KHDRBS2: variants seen among roughly 807,000 people sequenced by gnomAD.
KHDRBS2 encodes KH RNA binding domain containing, signal transduction associated 2, also known as KH domain-containing, RNA-binding, signal transduction-associated protein 2.
A neutral mutation model predicts 44.3 loss-of-function variants in KHDRBS2; 26 were observed. The observed-to-expected ratio is 0.59, with a 90% CI of 0.43 to 0.81. The LOEUF (loss-of-function observed/expected upper bound fraction) is 0.81, where lower values mean the gene tolerates loss of function less well. KHDRBS2 is among the 40% of genes least tolerant of loss of function. KHDRBS2 has a pLI of 0.00. For missense variants in KHDRBS2, 476 were observed against 433.1 expected, an observed-to-expected ratio of 1.10 and a Z score of -0.88; for synonymous variants, 194 against 151.1, an observed-to-expected ratio of 1.28 and a Z score of -2.08.
At chr6:62,156,726 C>T (rs1236718572) in intron 2 of KHDRBS2, among the ~76,000 whole-genome samples, 9 of 151,964 alleles carry the variant, frequency 5.9e-5, no homozygotes, top group Non-Finnish European at 1.2e-4. Context: ...GAGTGCAGTG[C>T]AGTGGCGTGA....
At chr6:61,648,739 G>A in the KHDRBS2 span, among the ~76,000 whole-genome samples, 5,068 of 152,176 alleles carry the variant, frequency 0.033, 275 homozygotes, top group African/African-American at 0.12. Context: ...CCAACGTGTG[G>A]CCTGAGTAAA....
chr6:62,199,233 G>C (rs887132004), intron 1 of KHDRBS2, among the ~76,000 whole-genome samples: 18 of 152,060 alleles, frequency 1.2e-4, no homozygotes, highest in African/African-American at 3.6e-4. Flanking sequence ...GGAAGTTCTG[G>C]CCAGGGCAAT....
chr6:61,769,206 C>A (rs1407676557), intron 6 of KHDRBS2, among the ~76,000 whole-genome samples: 1 of 152,080 alleles, frequency 6.6e-6, no homozygotes, highest in East Asian at 1.9e-4. Flanking sequence ...CAAATAGGAA[C>A]AGCTCCGGTC....
intron 2 of KHDRBS2, among the ~76,000 whole-genome samples, chr6:62,104,824 GATA>G (rs1326376430): frequency 2.0e-5 from 3 of 151,872 alleles, no homozygotes; most frequent in South Asian, 2.1e-4. Flanking sequence ...TAAATGAATA[GATA>G]ATAATAGAGT....
chr6:61,582,243 A>G, the KHDRBS2 span, among the ~76,000 whole-genome samples: 1 of 151,836 alleles, frequency 6.6e-6, no homozygotes, highest in Non-Finnish European at 1.5e-5. Flanking sequence ...AATAAGAAGC[A>G]GTAAATAGTT....
the KHDRBS2 span, among the ~76,000 whole-genome samples, chr6:61,671,400 G>A: frequency 2.6e-5 from 4 of 151,636 alleles, no homozygotes; most frequent in Non-Finnish European, 4.4e-5. Flanking sequence ...AGATAAGCCA[G>A]CTGTTGTTAG....
intron 6 of KHDRBS2, among the ~76,000 whole-genome samples, chr6:61,753,299 G>A (rs1778008693): frequency 6.6e-6 from 1 of 152,134 alleles, no homozygotes; most frequent in Non-Finnish European, 1.5e-5. Flanking sequence ...CAACCAATGA[G>A]AGAAGAAAGC....
chr6:61,849,873 C>G lies in KHDRBS2; in HGVS notation c.810+44762G>C, dbSNP rs192495198. ...GCTGTCCTGTGGATGAATCCTATGG[C>G]TTACTGAATAGGATGGAAGTGCTAG... On this transcript the variant is annotated intron_variant, in intron 6 of 8. Coordinates refer to ENST00000281156, the MANE Select transcript of KHDRBS2 (RefSeq NM_152688.4). Among the ~76,000 whole-genome samples, 74 of 152,196 alleles carry G rather than the reference C, an allele frequency of 4.9e-4. 1 individual carries two copies. The highest frequency in any genetic ancestry group is 1.7e-3 in the African/African-American group (72 of 41,562).
intron 6 of KHDRBS2, among the ~76,000 whole-genome samples, chr6:61,819,276 A>T (rs1219141274): frequency 6.6e-6 from 1 of 152,030 alleles, no homozygotes; most frequent in African/African-American, 2.4e-5. Context: ...TCAGGAAATA[A>T]TTTTTACACC....
chr6:61,879,718 T>C (rs566566354), intron 6 of KHDRBS2, among the ~76,000 whole-genome samples: 2 of 152,056 alleles, frequency 1.3e-5, no homozygotes, highest in African/African-American at 4.8e-5. Flanking sequence ...CTGTATGTAC[T>C]ATATAAATTT....
At chr6:61,993,125 A>T (rs1033114950) in intron 3 of KHDRBS2, among the ~76,000 whole-genome samples, 7 of 152,280 alleles carry the variant, frequency 4.6e-5, no homozygotes, top group Middle Eastern at 3.4e-3. Flanking sequence ...TTTTGGGAAA[A>T]GTGTAAAGGC....
At chr6:61,994,096 T>C (rs894768400) in intron 3 of KHDRBS2, among the ~76,000 whole-genome samples, 1 of 152,160 alleles carries the variant, frequency 6.6e-6, no homozygotes, top group African/African-American at 2.4e-5. Flanking sequence ...GCAGCTGTTA[T>C]TGGTACACAA....
chr6:61,610,475 T>A, the KHDRBS2 span, among the ~76,000 whole-genome samples: 3 of 152,196 alleles, frequency 2.0e-5, no homozygotes, highest in African/African-American at 7.2e-5. Flanking sequence ...TGGGTCAGAA[T>A]CTCTTATGGC....
At chr6:62,097,308 C>T (rs1239140393) in intron 2 of KHDRBS2, among the ~76,000 whole-genome samples, 2 of 151,796 alleles carry the variant, frequency 1.3e-5, no homozygotes, top group Non-Finnish European at 2.9e-5. Context: ...GATGATCTGT[C>T]CATTGCTGAA....
chr6:62,121,533 T>C (rs1368282373), intron 2 of KHDRBS2, among the ~76,000 whole-genome samples: 1 of 152,240 alleles, frequency 6.6e-6, no homozygotes, highest in Non-Finnish European at 1.5e-5. Context: ...GTACCTAGCA[T>C]GCAGCCACTG....
chr6:62,231,964 GAATCTA>G (rs1163328760), intron 1 of KHDRBS2, among the ~76,000 whole-genome samples: 4 of 152,068 alleles, frequency 2.6e-5, no homozygotes, highest in African/African-American at 9.7e-5. Context: ...TCATTGAAAT[GAATCTA>G]AACAGGGTTT....
the KHDRBS2 span, among the ~76,000 whole-genome samples, chr6:61,576,896 C>T: frequency 1.3e-5 from 2 of 152,070 alleles, no homozygotes; most frequent in Non-Finnish European, 1.5e-5. Context: ...TTTGGAGAAA[C>T]TTAGCTTGAC....
Position 62,156,057 on chromosome 6 carries a change from A to T in KHDRBS2, c.219+21128T>A, listed in dbSNP as rs6939282. Among the ~76,000 whole-genome samples the T allele has an allele frequency of 6.1e-3, 927 of 152,218 alleles. 8 individuals carry two copies. The highest frequency in any genetic ancestry group is 0.02 in the African/African-American group (818 of 41,520). The stretch of plus-strand genomic sequence containing the variant: ...CACATTTTGTATGTTAATTTATGAC[A>T]TTTCCCCATACATTTTCCAGGGTGT... On this transcript the variant is annotated intron_variant, in intron 2 of 8. Coordinates refer to ENST00000281156, the MANE Select transcript of KHDRBS2 (RefSeq NM_152688.4).
At chr6:62,112,002 A>G (rs1406681531) in intron 2 of KHDRBS2, among the ~76,000 whole-genome samples, 1 of 152,146 alleles carries the variant, frequency 6.6e-6, no homozygotes, top group Non-Finnish European at 1.5e-5. Context: ...AGCTGATGCT[A>G]CTAGTCCATG....
Sources: allele counts gnomAD v4.1 joint callset (sites outside exome capture counted in the v4.1 genomes callset), GRCh38; gene constraint gnomAD v4.1.1; transcripts MANE v1.5; gene names NCBI Gene and HGNC (gene_info 2026-07-23, HGNC 2026-07-21).